The following MITF variants were observed in gnomAD, a reference collection of about 807,000 sequenced individuals.
MITF encodes the protein melanocyte inducing transcription factor, also known as microphthalmia-associated transcription factor.
MITF carries 17 observed loss-of-function variants against 60.5 expected under a neutral mutation model. The ratio of observed to expected loss-of-function variants is 0.28; its 90% CI spans 0.19 to 0.42. The LOEUF (loss-of-function observed/expected upper bound fraction) is 0.42, where lower values mean the gene tolerates loss of function less well. Ranked by LOEUF, MITF falls within the 10% of genes least tolerant of loss-of-function variation. The pLI is 1.00. For missense variants in MITF, 622 were observed against 683.5 expected, an observed-to-expected ratio of 0.91 and a Z score of 1.00; for synonymous variants, 260 against 248.5, an observed-to-expected ratio of 1.05 and a Z score of -0.43.
At chr3:69,923,914 GT>G (rs111300910) in intron 2 of MITF, among the ~76,000 whole-genome samples, 1 of 149,974 alleles carries the variant, frequency 6.7e-6, no homozygotes, top group African/African-American at 2.4e-5. Context: ...GTTTTTGTTT[GT>G]TTTTTTTTGG....
intron 1 of MITF, among the ~76,000 whole-genome samples, chr3:69,874,407 AATATTATT>A (rs1197917488): frequency 1.3e-5 from 2 of 152,194 alleles, no homozygotes; most frequent in Non-Finnish European, 2.9e-5. Flanking sequence ...CTCATGGTTT[AATATTATT>A]ATTTTTACCA....
chr3:69,787,161 G>A (rs2062664067), intron 1 of MITF, among the ~76,000 whole-genome samples: 1 of 152,208 alleles, frequency 6.6e-6, no homozygotes, highest in Admixed American at 6.5e-5. Context: ...CTTAAGTCAT[G>A]TTCCATTCAT....
At chr3:69,859,645 C>T (rs2063977919) in intron 1 of MITF, among the ~76,000 whole-genome samples, 1 of 151,940 alleles carries the variant, frequency 6.6e-6, no homozygotes, top group Non-Finnish European at 1.5e-5. Context: ...ACCTTGACTC[C>T]TGCTTGGAAG....
chr3:69,947,917 G>A (rs1432897581), intron 5 of MITF, among the ~76,000 whole-genome samples: 2 of 152,162 alleles, frequency 1.3e-5, no homozygotes, highest in Admixed American at 6.6e-5. Context: ...TCATCTGTAT[G>A]TTAGTGGTCA....
At chr3:69,951,929 T>C in intron 7 of MITF, 43 bp downstream of exon 7, 1 of 1,383,456 alleles carries the variant, frequency 7.2e-7, no homozygotes, top group Non-Finnish European at 1.0e-6. Context: ...GATATTAATG[T>C]TCCCCATATA....
chr3:69,901,710 C>T (rs923179011), intron 2 of MITF, among the ~76,000 whole-genome samples: 17 of 152,132 alleles, frequency 1.1e-4, no homozygotes, highest in African/African-American at 3.1e-4. Flanking sequence ...ATTAATATGG[C>T]GAATTCTGAA....
intron 2 of MITF, among the ~76,000 whole-genome samples, chr3:69,916,639 A>T (rs1051934729): frequency 5.9e-4 from 90 of 152,326 alleles, no homozygotes; most frequent in African/African-American, 2.1e-3. Flanking sequence ...TAGGAAAACA[A>T]ATAAATGACC....
At chr3:69,835,136 A>G (rs1230262345) in intron 1 of MITF, among the ~76,000 whole-genome samples, 2 of 146,550 alleles carry the variant, frequency 1.4e-5, no homozygotes, top group African/African-American at 2.5e-5. Flanking sequence ...TCCCATTTCA[A>G]TCTCCCAAGT....
intron 1 of MITF, among the ~76,000 whole-genome samples, chr3:69,844,212 A>G (rs2063690706): frequency 6.6e-6 from 1 of 152,178 alleles, no homozygotes; most frequent in Admixed American, 6.6e-5. Context: ...ATACATGTGC[A>G]TGTGTCCTTG....
intron 1 of MITF, among the ~76,000 whole-genome samples, chr3:69,841,091 A>C (rs1317684402): frequency 1.3e-5 from 2 of 152,204 alleles, no homozygotes; most frequent in Admixed American, 6.5e-5. Flanking sequence ...GTGTGTTGCC[A>C]GTTCAGAAAC....
intron 1 of MITF, among the ~76,000 whole-genome samples, chr3:69,742,702 C>T (rs762227207): frequency 6.6e-6 from 1 of 152,162 alleles, no homozygotes; most frequent in Non-Finnish European, 1.5e-5. Context: ...TTAAGTGTGA[C>T]GTTGACTGTG....
intron 1 of MITF, among the ~76,000 whole-genome samples, chr3:69,822,899 G>GT (rs1212483692): frequency 8.3e-5 from 12 of 143,854 alleles, no homozygotes; most frequent in Admixed American, 4.8e-4. Flanking sequence ...TTTATTTGGT[G>GT]TTTGTTTTTT....
intron 1 of MITF, among the ~76,000 whole-genome samples, chr3:69,753,390 C>G (rs994077871): frequency 3.3e-5 from 5 of 152,228 alleles, no homozygotes; most frequent in African/African-American, 1.2e-4. Context: ...TAAAGAAACT[C>G]TACTAGGGCA....
intron 1 of MITF, among the ~76,000 whole-genome samples, chr3:69,809,235 G>A (rs2063062184): frequency 6.6e-6 from 1 of 152,090 alleles, no homozygotes; most frequent in African/African-American, 2.4e-5. Context: ...TAAGGAATGG[G>A]GTGAATGTGG....
intron 1 of MITF, chr3:69,769,834 A>G (rs2062365678): frequency 6.6e-6 from 1 of 152,248 alleles, no homozygotes; most frequent in African/African-American, 2.4e-5. Flanking sequence ...CAGAGTTGCC[A>G]GATAAAATCC....
intron 1 of MITF, among the ~76,000 whole-genome samples, chr3:69,776,355 G>A (rs941512961): frequency 1.3e-5 from 2 of 152,174 alleles, no homozygotes; most frequent in Non-Finnish European, 2.9e-5. Flanking sequence ...CACTACATAG[G>A]ATAATAGTTA....
chr3:69,785,144 G>T (rs954680821), intron 1 of MITF, among the ~76,000 whole-genome samples: 2 of 151,680 alleles, frequency 1.3e-5, no homozygotes, highest in African/African-American at 4.8e-5. Context: ...GCTGATCTGT[G>T]TGGCACTGAG....
At chr3:69,874,755 T>A (rs1274069492) in intron 1 of MITF, among the ~76,000 whole-genome samples, 1 of 152,204 alleles carries the variant, frequency 6.6e-6, no homozygotes, top group East Asian at 1.9e-4. Context: ...AACACTGGCA[T>A]CATGTCAAAG....
At chr3:69,828,876 T>TC (rs2063398857) in intron 1 of MITF, among the ~76,000 whole-genome samples, 1 of 129,696 alleles carries the variant, frequency 7.7e-6, no homozygotes, top group Non-Finnish European at 1.8e-5. Context: ...AGCAGAGCTT[T>TC]ATTTTTTTTC....
Sources: gnomAD v4.1 joint callset for allele counts (sites outside exome capture counted in the v4.1 genomes callset) on GRCh38, gnomAD v4.1.1 for gene constraint, MANE v1.5 for transcripts, NCBI Gene and HGNC (gene_info 2026-07-23, HGNC 2026-07-21) for gene names.